Variants in DRC11 observed in about 807,000 individuals in gnomAD.
The protein encoded by DRC11 is IQ and AAA domain-containing protein 1.
the DRC11 span, among the ~76,000 whole-genome samples, chr2:236,458,426 GAACT>G: frequency 1.3e-5 from 2 of 152,078 alleles, no homozygotes; most frequent in African/African-American, 4.8e-5. Flanking sequence ...AAAACTACAA[GAACT>G]AATGTGAGAA....
the DRC11 span, among the ~76,000 whole-genome samples, chr2:236,420,970 T>C: frequency 2.0e-5 from 3 of 152,216 alleles, no homozygotes; most frequent in African/African-American, 7.2e-5. This position sits in a 1 kb window ranked among gnomAD's most constrained non-coding sequence, Gnocchi z 4.8. Context: ...TTTAGTGCTA[T>C]AAATTTCCCT....
chr2:236,461,906 G>A, the DRC11 span, among the ~76,000 whole-genome samples: 1 of 152,086 alleles, frequency 6.6e-6, no homozygotes. The surrounding 1 kb of genome is among the most constrained non-coding windows in gnomAD (Gnocchi z 4.0). Context: ...AACCTGGGAG[G>A]GAACAGTCAG....
the DRC11 span, among the ~76,000 whole-genome samples, chr2:236,374,920 C>T: frequency 6.8e-6 from 1 of 147,794 alleles, no homozygotes; most frequent in Admixed American, 6.8e-5. Flanking sequence ...AGGCTGGTCT[C>T]AAACTCTTGA....
chr2:236,341,728 C>A, the DRC11 span, among the ~76,000 whole-genome samples: 2 of 152,326 alleles, frequency 1.3e-5, no homozygotes, highest in East Asian at 1.9e-4. Flanking sequence ...GTTTCCCCCC[C>A]ATGTCTTCCA....
chr2:236,475,754 G>C, the DRC11 span, among the ~76,000 whole-genome samples: 1 of 152,168 alleles, frequency 6.6e-6, no homozygotes, highest in African/African-American at 2.4e-5. This position sits in a 1 kb window ranked among gnomAD's most constrained non-coding sequence, Gnocchi z 4.8. Flanking sequence ...TGTATATGGT[G>C]AGATATAGGG....
At chr2:236,491,686 G>A in the DRC11 span, among the ~76,000 whole-genome samples, 2 of 152,062 alleles carry the variant, frequency 1.3e-5, no homozygotes, top group African/African-American at 4.8e-5. Context: ...ACTGATGCAT[G>A]GACAGAAAGC....
At chr2:236,450,483 C>CTAATTT in the DRC11 span, among the ~76,000 whole-genome samples, 28 of 151,662 alleles carry the variant, frequency 1.8e-4, no homozygotes, top group African/African-American at 6.3e-4. Context: ...CCACACCCAG[C>CTAATTT]TAATTTTTGT....
At chr2:236,464,348 C>T in the DRC11 span, among the ~76,000 whole-genome samples, 99 of 152,238 alleles carry the variant, frequency 6.5e-4, no homozygotes, top group African/African-American at 2.4e-3. Context: ...TGATATGATG[C>T]AATACCCCAT....
the DRC11 span, among the ~76,000 whole-genome samples, chr2:236,477,370 A>T: frequency 6.6e-6 from 1 of 152,248 alleles, no homozygotes; most frequent in East Asian, 1.9e-4. Flanking sequence ...AAGAAAGAGA[A>T]GATTATTTAC....
chr2:236,488,591 T>C, the DRC11 span, among the ~76,000 whole-genome samples: 2 of 152,304 alleles, frequency 1.3e-5, no homozygotes, highest in Non-Finnish European at 2.9e-5. Context: ...ATATGAGCTT[T>C]TAAAATTTAA....
chr2:236,402,800 G>A, the DRC11 span, among the ~76,000 whole-genome samples: 1 of 152,184 alleles, frequency 6.6e-6, no homozygotes, highest in African/African-American at 2.4e-5. This position sits in a 1 kb window ranked among gnomAD's most constrained non-coding sequence, Gnocchi z 6.0. Flanking sequence ...TTAGAGAAAA[G>A]CCTGCAAGAG....
the DRC11 span, among the ~76,000 whole-genome samples, chr2:236,433,945 G>C: frequency 6.6e-6 from 1 of 152,184 alleles, no homozygotes; most frequent in African/African-American, 2.4e-5. Flanking sequence ...ATTTTGTAGA[G>C]TTCTATTTTT....
At chr2:236,450,553 C>T in the DRC11 span, among the ~76,000 whole-genome samples, 3 of 151,870 alleles carry the variant, frequency 2.0e-5, no homozygotes, top group Admixed American at 6.6e-5. Context: ...CTCTTGACCT[C>T]GTGACTCACC....
At chr2:236,405,092 T>C in the DRC11 span, among the ~76,000 whole-genome samples, 230 of 152,302 alleles carry the variant, frequency 1.5e-3, no homozygotes, top group African/African-American at 5.5e-3. This position sits in a 1 kb window ranked among gnomAD's most constrained non-coding sequence, Gnocchi z 4.6. Flanking sequence ...TTTCAATGTA[T>C]GAATTTTTTG....
the DRC11 span, among the ~76,000 whole-genome samples, chr2:236,387,503 T>C: frequency 6.6e-6 from 1 of 151,892 alleles, no homozygotes; most frequent in Non-Finnish European, 1.5e-5. Flanking sequence ...TTTTTTGTTT[T>C]CCATTGGCTT....
chr2:236,434,910 A>T, the DRC11 span, among the ~76,000 whole-genome samples: 2 of 152,186 alleles, frequency 1.3e-5, no homozygotes, highest in African/African-American at 4.8e-5. This position sits in a 1 kb window ranked among gnomAD's most constrained non-coding sequence, Gnocchi z 5.5. Flanking sequence ...AAAAAAAGTG[A>T]AACAACCCCA....
the DRC11 span, among the ~76,000 whole-genome samples, chr2:236,399,751 GA>G: frequency 6.6e-6 from 1 of 152,172 alleles, no homozygotes; most frequent in South Asian, 2.1e-4. This position sits in a 1 kb window ranked among gnomAD's most constrained non-coding sequence, Gnocchi z 7.0. Context: ...CCCCGAGTTT[GA>G]TCCTGTCTTC....
the DRC11 span, chr2:236,486,969 C>G: frequency 8.7e-7 from 1 of 1,143,828 alleles, no homozygotes; most frequent in Non-Finnish European, 1.3e-6. The surrounding 1 kb of genome is among the most constrained non-coding windows in gnomAD (Gnocchi z 5.7). Flanking sequence ...TGCAGTTTCT[C>G]CCATATAAAC....
chr2:236,341,903 A>G, the DRC11 span, among the ~76,000 whole-genome samples: 1 of 152,104 alleles, frequency 6.6e-6, no homozygotes, highest in Non-Finnish European at 1.5e-5. Context: ...TTTCCCTGAC[A>G]TATGTATTGT....
Sources: allele counts gnomAD v4.1 joint callset (sites outside exome capture counted in the v4.1 genomes callset), GRCh38; gene constraint gnomAD v4.1.1; non-coding constraint Gnocchi (gnomAD v3.1); transcripts MANE v1.5; gene names NCBI Gene and HGNC (gene_info 2026-07-23, HGNC 2026-07-21).